Variants in WDR64 observed in about 807,000 individuals in gnomAD.
WDR64 encodes WD repeat domain 64.
WDR64 carries 112 observed loss-of-function variants against 139.3 expected under a neutral mutation model. The ratio of observed to expected loss-of-function variants is 0.80; its 90% CI spans 0.69 to 0.94. The LOEUF (loss-of-function observed/expected upper bound fraction) is 0.94, where lower values mean the gene tolerates loss of function less well. Ranked by LOEUF, WDR64 falls within the 40% of genes least tolerant of loss-of-function variation. The probability of loss-of-function intolerance (pLI) is 0.00; values close to 1 mark genes in which losing one functional copy is unlikely to be tolerated. For missense variants in WDR64, 1,206 were observed against 1,293.1 expected (o/e 0.93, Z 1.03); for synonymous variants, 444 against 437.7 (o/e 1.01, Z -0.18).
chr1:241,723,797 A>C (rs1249598942), intron 10 of WDR64, among the ~76,000 whole-genome samples: 1 of 152,018 alleles, frequency 6.6e-6, no homozygotes, highest in Non-Finnish European at 1.5e-5. Flanking sequence ...AATAAAACAA[A>C]AAAAAAGTTA....
At chr1:241,777,540 C>T (rs1574090350) in intron 21 of WDR64, among the ~76,000 whole-genome samples, 1 of 151,814 alleles carries the variant, frequency 6.6e-6, no homozygotes, top group African/African-American at 2.4e-5. Flanking sequence ...ACCTCAGCCT[C>T]CCAAGTAGCT....
chr1:241,702,926 T>C (rs1287695651), intron 8 of WDR64, among the ~76,000 whole-genome samples: 1 of 152,180 alleles, frequency 6.6e-6, no homozygotes, highest in Non-Finnish European at 1.5e-5. Context: ...TTTGTTATCT[T>C]ATTCTTTATG....
chr1:241,784,953 G>GAAAAAAAAAAAAAAAAAAAAAAAAAAA (rs58720618), intron 23 of WDR64, among the ~76,000 whole-genome samples: 2 of 62,250 alleles, frequency 3.2e-5, no homozygotes, highest in African/African-American at 1.1e-4. Context: ...GACTCTGTCT[G>GAAAAAAAAAAAAAAAAAAAAAAAAAAA]AAAAAAAAAA....
At chr1:241,765,143 T>A (rs974596787) in intron 15 of WDR64, among the ~76,000 whole-genome samples, 5 of 151,636 alleles carry the variant, frequency 3.3e-5, no homozygotes, top group African/African-American at 9.7e-5. Flanking sequence ...GCTGTGATCA[T>A]TCCACTGTAC....
Position 241,711,659 on chromosome 1 carries a change from A to G in WDR64, c.975-143A>G, listed in dbSNP as rs1668173655. On this transcript the variant is annotated intron_variant, in intron 8 of 27. Transcript: ENST00000437684. Reference sequence around the variant, plus strand: ...GATTCTTACTGTTAATTACGACTTAATCATTACTTGTAATACGGCCTGGGG... The same window carrying G: ...GATTCTTACTGTTAATTACGACTTAGTCATTACTTGTAATACGGCCTGGGG... The G allele has an allele frequency of 9.0e-5, 65 of 721,366 alleles. 2 individuals are homozygous for G. The South Asian group carries it at 1.2e-3, about 13-fold the overall frequency. 44.7% of individuals were successfully genotyped at this position (721,366 alleles called of 1,614,324 possible).
chr1:241,673,829 T>C (rs1347152268), intron 3 of WDR64, among the ~76,000 whole-genome samples: 2 of 152,198 alleles, frequency 1.3e-5, no homozygotes, highest in Admixed American at 1.3e-4. Context: ...CTAGTCTTTT[T>C]TTTTCAAAAT....
chr1:241,735,863 G>C (rs1393599717), intron 10 of WDR64, among the ~76,000 whole-genome samples: 16 of 106,274 alleles, frequency 1.5e-4, no homozygotes, highest in African/African-American at 6.4e-4. Flanking sequence ...CTCTGTGTGT[G>C]TGTGTGTGTG....
rs370829635 is a variant in WDR64 at position 241,655,470 on chromosome 1, T to C, written c.145+2841T>C. On this transcript the variant is annotated intron_variant, in intron 1 of 27. Transcript: ENST00000437684. The stretch of plus-strand genomic sequence containing the variant: ...GCCAAGAGTTTTTCATTTTAAAAAT[T>C]ATCAATGTGCCATATTCCTGGTTTA... Among the ~76,000 whole-genome samples, 16 of 152,296 alleles carry C rather than the reference T, an allele frequency of 1.1e-4. No homozygotes were observed. In the South Asian group the frequency reaches 3.1e-3, roughly 30 times the overall value.
intron 10 of WDR64, among the ~76,000 whole-genome samples, chr1:241,733,238 G>A (rs894142532): frequency 3.3e-5 from 5 of 152,076 alleles, no homozygotes; most frequent in African/African-American, 9.7e-5. Context: ...ACTTTGGGGG[G>A]CCAAGGTGGA....
rs747031930 is a variant in WDR64 at position 241,757,406 on chromosome 1, C to T, written c.1894C>T (p.Pro632Ser). ...MSTRDRNMAIPFPDVELIVER... is the reference protein window; with the variant it reads ...MSTRDRNMAISFPDVELIVER... Reference sequence around the variant, plus strand: ...TACTAGAGACAGGAACATGGCTATTCCTTTCCCAGATGTCGAGTTGATAGT... The same window carrying T: ...TACTAGAGACAGGAACATGGCTATTTCTTTCCCAGATGTCGAGTTGATAGT... The change falls in exon 15 of 28, where the codon CCT becomes TCT. Residue 632 changes from proline (P) to serine (S), a missense_variant. Coordinates refer to ENST00000437684, the MANE Select transcript of WDR64 (RefSeq NM_001367482.1). The T allele has an allele frequency of 2.5e-6, 4 of 1,613,572 alleles. No individual in the cohort carries two copies. The African/African-American group carries it at 4.0e-5, about 16-fold the overall frequency.
At chr1:241,679,310 AG>A (rs1666680565) in intron 5 of WDR64, among the ~76,000 whole-genome samples, 174 bp from the exon 6 acceptor site, 1 of 152,178 alleles carries the variant, frequency 6.6e-6, no homozygotes, top group Non-Finnish European at 1.5e-5. Context: ...TAAGGGTGAA[AG>A]GGGAAAAGAT....
At position 241,701,280 on chromosome 1, in the gene WDR64, A is replaced by G. The variant is rs375983738; in HGVS notation, c.975-10522A>G. ...CATACACATGCGTGCACATGCGCGC[A>G]CACACACACACACACTCACACACAC... On this transcript the variant is annotated intron_variant, in intron 8 of 27. Coordinates refer to ENST00000437684, the MANE Select transcript of WDR64 (RefSeq NM_001367482.1). Among the ~76,000 whole-genome samples the G allele has an allele frequency of 9.6e-3, 1,454 of 150,972 alleles. 18 individuals carry two copies. Among genetic ancestry groups the G allele is most frequent in the Middle Eastern group, 0.041 (12 of 292 alleles).
Position 241,684,733 on chromosome 1 carries a change from A to G in WDR64, c.839+1032A>G, listed in dbSNP as rs542908659. ...TATCCCTATCTTCAAAAATATCAGT[A>G]TGGTTATCACAGCTTCGCCTTGCCT... On this transcript the variant is annotated intron_variant, in intron 7 of 27. Coordinates refer to ENST00000437684, the MANE Select transcript of WDR64 (RefSeq NM_001367482.1). Among the ~76,000 whole-genome samples, 15 of 152,198 alleles carry G rather than the reference A, an allele frequency of 9.9e-5. No homozygotes were observed. In the South Asian group the frequency reaches 2.5e-3, roughly 25 times the overall value.
intron 19 of WDR64, among the ~76,000 whole-genome samples, chr1:241,771,941 CATACATATATATAT>C (rs1368610672): frequency 0.023 from 670 of 28,894 alleles, 2 homozygotes; most frequent in Middle Eastern, 0.05. Flanking sequence ...TACATACATA[CATACATATATATAT>C]ATATATATAT....
At chr1:241,675,123 C>CCTTCCTTCTTTCCTCCCTT (rs1427164669) in intron 4 of WDR64, among the ~76,000 whole-genome samples, 1 of 17,296 alleles carries the variant, frequency 5.8e-5, no homozygotes, top group Non-Finnish European at 8.8e-5. Context: ...CTCCCTCCCT[C>CCTTCCTTCTTTCCTCCCTT]CTTCCCTCCT....
intron 1 of WDR64, among the ~76,000 whole-genome samples, chr1:241,659,146 G>A (rs1280713852): frequency 2.0e-5 from 3 of 152,246 alleles, no homozygotes; most frequent in African/African-American, 7.2e-5. Context: ...ACATACAAGT[G>A]AGAACATGTG....
intron 7 of WDR64, 29 bp downstream of exon 7, chr1:241,683,730 C>CT (rs1265628093): frequency 5.6e-6 from 8 of 1,434,934 alleles, no homozygotes; most frequent in Non-Finnish European, 7.4e-6. Context: ...TAATTTAATT[C>CT]TTTTAATAAT....
intron 2 of WDR64, among the ~76,000 whole-genome samples, chr1:241,662,410 T>C (rs982969342): frequency 6.6e-6 from 1 of 152,166 alleles, no homozygotes; most frequent in Non-Finnish European, 1.5e-5. Context: ...TCTCAAGGCC[T>C]CAGCTTCTTG....
chr1:241,771,482 C>T (rs565362957), intron 18 of WDR64, among the ~76,000 whole-genome samples, 179 bp from the exon 19 acceptor site: 84 of 151,942 alleles, frequency 5.5e-4, no homozygotes, highest in African/African-American at 1.9e-3. Context: ...GTTATAAATT[C>T]TCTATTTCTG....
Sources: allele counts gnomAD v4.1 joint callset (sites outside exome capture counted in the v4.1 genomes callset), GRCh38; gene constraint gnomAD v4.1.1; transcripts MANE v1.5; gene names NCBI Gene and HGNC (gene_info 2026-07-23, HGNC 2026-07-21).